WDR81: variants seen among roughly 807,000 people sequenced by gnomAD.
WDR81 encodes the protein WD repeat-containing protein 81.
In WDR81, 92 loss-of-function variants were observed where a neutral mutation model predicts 140.8. The ratio of observed to expected loss-of-function variants is 0.65; its 90% CI spans 0.55 to 0.78. The LOEUF is 0.78. Ranked by LOEUF, WDR81 falls within the 30% of genes least tolerant of loss-of-function variation. The pLI is 0.00. For synonymous variants in WDR81, 1,183 were observed against 1,156.4 expected, an observed-to-expected ratio of 1.02 and a Z score of -0.47; for missense variants, 2,502 against 2,636.4, an observed-to-expected ratio of 0.95 and a Z score of 1.12.
intron 2 of WDR81, 63 bp downstream of exon 2, chr17:1,730,550 A>G: frequency 1.3e-6 from 2 of 1,532,342 alleles, no homozygotes; most frequent in Non-Finnish European, 1.8e-6. Flanking sequence ...GCCTAGCTTC[A>G]GCGCTCTCCG....
chr17:1,725,579 GC>G lies in WDR81; in HGVS notation c.626del (p.Pro209LeufsTer45). ...QCPSYAREGP[C>X]PPRGSPACPS... is the part of the protein sequence containing the mutation. Reference sequence around the variant, plus strand: ...CCTTCATATGCCAGAGAAGGCCCCTGCCCCCCTCGGGGCAGCCCTGCTTGCC... The same window carrying G: ...CCTTCATATGCCAGAGAAGGCCCCTGCCCCCTCGGGGCAGCCCTGCTTGCC... On this transcript the variant is annotated frameshift_variant, in exon 1 of 10. Coordinates refer to ENST00000409644, the MANE Select transcript of WDR81 (RefSeq NM_001163809.2). LOFTEE classifies it high-confidence loss of function. 1 of 1,545,128 alleles carries G rather than the reference GC, an allele frequency of 6.5e-7. No individual in the cohort carries two copies.
upstream of WDR81, among the ~76,000 whole-genome samples, chr17:1,721,931 C>G (rs1436601017): frequency 1.3e-5 from 2 of 151,908 alleles, no homozygotes; most frequent in Non-Finnish European, 2.9e-5. Context: ...TGAGACCAGC[C>G]TGACCAACAT....
At chr17:1,730,308 C>A in intron 1 of WDR81, 72 bp from the exon 2 acceptor site, 1 of 1,208,262 alleles carries the variant, frequency 8.3e-7, no homozygotes, top group Non-Finnish European at 1.1e-6. Context: ...GAGTGGGGTG[C>A]CGTGGGGTGG....
rs1915199459 is a variant in WDR81, at chr17:1,725,771, T to C, written c.812T>C (p.Met271Thr). Residue 271 changes from methionine to threonine, a missense_variant, in exon 1 of 10, where the codon ATG (methionine) becomes ACG (threonine). Transcript: ENST00000409644. ...ATTCTCTTCCGCGTGCTGAGGGCTA[T>C]GGACGCCTGTCACCGCCAGGGGCTG... ...LFILFRVLRA[M>T]DACHRQGLAC... The C allele has an allele frequency of 6.4e-7, 1 of 1,550,688 alleles. No homozygotes were observed. The highest frequency in any genetic ancestry group is 8.7e-7 in the Non-Finnish European group (1 of 1,147,014).
chr17:1,720,017 A>T (rs934147677), upstream of WDR81, among the ~76,000 whole-genome samples: 2 of 151,566 alleles, frequency 1.3e-5, no homozygotes, highest in Non-Finnish European at 3.0e-5. Context: ...CACCTAGCAT[A>T]GATTTAATTA....
rs2151161239 is a variant in WDR81 at position 1,725,516 on chromosome 17, G to A, written c.557G>A (p.Gly186Asp). ...CGGCAGGCTCTGCAGAGGGTCTATG[G>A]TTGCTCCTTCCTGCCAGTGGGTGAA... ...SVRQALQRVY[G>D]CSFLPVGETT... Residue 186 changes from glycine to aspartate, a missense_variant, in exon 1 of 10, where the codon GGT (glycine) becomes GAT (aspartate). Around this residue, in one of 3 missense-constraint regions of WDR81, gnomAD observed 547 missense variants for 513.8 expected, o/e 1.06. Coordinates refer to ENST00000409644, the MANE Select transcript of WDR81 (RefSeq NM_001163809.2). 2 of 1,546,154 alleles carry A rather than the reference G, an allele frequency of 1.3e-6. No homozygotes were observed. The highest frequency in any genetic ancestry group is 4.9e-5 in the East Asian group (2 of 40,920).
At chr17:1,724,303 G>C (rs1228622480), upstream of WDR81, among the ~76,000 whole-genome samples, 1 of 152,262 alleles carries the variant, frequency 6.6e-6, no homozygotes, top group African/African-American at 2.4e-5. Flanking sequence ...GGCAGAGGTT[G>C]CGGTGAGCCG....
Position 1,725,208 on chromosome 17 carries a change from A to G in WDR81, c.249A>G (p.Gly83=). The G allele has an allele frequency of 6.5e-7, 1 of 1,538,450 alleles. No individual in the cohort carries two copies. The highest frequency in any genetic ancestry group is 2.4e-5 in the East Asian group (1 of 40,900). ...LGPCPRAEGL[G]EAEVRTLLQR... ...CCTGTCCCCGCGCAGAGGGCCTGGG[A>G]GAAGCGGAAGTCAGGACTCTCCTGC... Residue 83 remains glycine (G), a synonymous_variant, in exon 1 of 10, where the codon GGA becomes GGG. Coordinates refer to ENST00000409644, the MANE Select transcript of WDR81 (RefSeq NM_001163809.2).
At chr17:1,717,187 CGAAGGT>C in intron 1 of WDR81, 1 of 154,238 alleles carries the variant, frequency 6.5e-6, no homozygotes, top group South Asian at 1.8e-4. Context: ...GGAAGAGATT[CGAAGGT>C]GGAGACCAAT....
At position 1,733,888 on chromosome 17, in the gene WDR81, G is replaced by C; in HGVS notation, c.4851G>C (p.Trp1617Cys). The C allele has an allele frequency of 3.1e-6, 5 of 1,612,774 alleles. No individual in the cohort carries two copies. Among genetic ancestry groups the C allele is most frequent in the Non-Finnish European group, 4.2e-6 (5 of 1,179,946 alleles). Residue 1617 changes from tryptophan to cysteine, a missense_variant, in exon 7 of 10, where the codon TGG becomes TGC. Around this residue, in one of 3 missense-constraint regions of WDR81, gnomAD observed 1,737 missense variants for 1,843.0 expected, o/e 0.94. Transcript: ENST00000409644. The stretch of plus-strand genomic sequence containing the variant: ...GCGTGCACGGGCTGAGCGGAAACTG[G>C]CTGGCGTACTGGCAGTACGAGATCG... ...PRSVHGLSGN[W>C]LAYWQYEIGV... is the part of the protein sequence containing the mutation.
At chr17:1,730,998 C>T in intron 3 of WDR81, 53 bp downstream of exon 3, 3 of 1,604,402 alleles carry the variant, frequency 1.9e-6, no homozygotes, top group Admixed American at 1.7e-5. Flanking sequence ...GACCTGAGGG[C>T]CGGCCCGGGC....
In WDR81 at chr17:1,725,961, G is replaced by A; in HGVS notation, c.1002G>A (p.Gly334=). The change falls in exon 1 of 10, where the codon GGG becomes GGA. Residue 334 remains glycine (G), a synonymous_variant. Transcript: ENST00000409644. The stretch of plus-strand genomic sequence containing the variant: ...TTGTGTCTCAAGAGGAGCAGGGAGG[G>A]CAACCTGGGCAACCCACTGGCCAGG... ...AGIVSQEEQG[G]QPGQPTGQEE... The A allele has an allele frequency of 6.4e-7, 1 of 1,550,514 alleles. No homozygotes were observed. The highest frequency in any genetic ancestry group is 1.2e-5 in the South Asian group (1 of 84,024).
At chr17:1,723,457 T>TTATTTTTATTTATTTA (rs60606428), upstream of WDR81, among the ~76,000 whole-genome samples, 283 of 130,532 alleles carry the variant, frequency 2.2e-3, no homozygotes, top group Non-Finnish European at 2.9e-3. Flanking sequence ...ATTTATTTAT[T>TTATTTTTATTTATTTA]TTTATTTATT....
At chr17:1,718,851 A>T (rs1159540909) in intron 1 of WDR81, among the ~76,000 whole-genome samples, 1 of 151,864 alleles carries the variant, frequency 6.6e-6, no homozygotes, top group Non-Finnish European at 1.5e-5. Flanking sequence ...CTGAACACTG[A>T]CCCCACCCCC....
In WDR81 at chr17:1,737,893, C is replaced by G; in HGVS notation, c.*208C>G. Reference sequence around the variant, plus strand: ...GAGCCACCAAGCCTGCCAGAGGGGTCTCATTCATGGCTTGGGGACACAGGG... The same window carrying G: ...GAGCCACCAAGCCTGCCAGAGGGGTGTCATTCATGGCTTGGGGACACAGGG... On this transcript the variant is annotated 3_prime_UTR_variant, in exon 10 of 10. Coordinates refer to ENST00000409644, the MANE Select transcript of WDR81 (RefSeq NM_001163809.2). 1 of 649,142 alleles carries G rather than the reference C, an allele frequency of 1.5e-6. No individual in the cohort carries two copies. The highest frequency in any genetic ancestry group is 2.8e-5 in the East Asian group (1 of 36,236). 40.2% of individuals were successfully genotyped at this position (649,142 alleles called of 1,614,324 possible).
chr17:1,722,816 C>A (rs1303287104), upstream of WDR81, among the ~76,000 whole-genome samples: 1 of 151,900 alleles, frequency 6.6e-6, no homozygotes. Flanking sequence ...CCTCAGCCTC[C>A]TGAGTAGCTG....
In WDR81 at chr17:1,735,701, G is replaced by A; in HGVS notation, c.5309G>A (p.Arg1770Lys). 6.2e-7 allele frequency: 1 copy of A among 1,612,614 alleles called. No individual in the cohort carries two copies. Among genetic ancestry groups the A allele is most frequent in the Non-Finnish European group, 8.5e-7 (1 of 1,179,716 alleles). ...TCTACCCTGCGCTTTGTGGACTGCA[G>A]GAAGCCTGGTCTGCAGGTCAGGGGG... ...SDSTLRFVDCRKPGLQHEFRL... is the reference protein window; with the variant it reads ...SDSTLRFVDCKKPGLQHEFRL... The change falls in exon 8 of 10, where the codon AGG becomes AAG. Residue 1770 changes from arginine (R) to lysine (K), a missense_variant. Physicochemically the swap from Arg to Lys is conservative, Grantham distance 26 (BLOSUM62 2). This residue lies in a region of WDR81 where 1,737 missense variants were observed against 1,843.0 expected (regional missense o/e 0.94). Coordinates refer to ENST00000409644, the MANE Select transcript of WDR81 (RefSeq NM_001163809.2). The surrounding 1 kb of genome is among the most constrained non-coding windows in gnomAD (Gnocchi z 4.2).
At chr17:1,720,371 T>TA (rs1221419519), upstream of WDR81, among the ~76,000 whole-genome samples, 1 of 152,238 alleles carries the variant, frequency 6.6e-6, no homozygotes. Context: ...AGAGAGCTGT[T>TA]ACAGACGTTA....
chr17:1,725,412 G>T lies in WDR81; in HGVS notation c.453G>T (p.Trp151Cys). Residue 151 changes from tryptophan (W) to cysteine (C), a missense_variant, in exon 1 of 10, where the codon TGG (tryptophan) becomes TGT (cysteine). Physicochemically the swap from Trp to Cys is radical, Grantham distance 215. This residue lies in a region of WDR81 where 547 missense variants were observed against 513.8 expected (regional missense o/e 1.06). Coordinates refer to ENST00000409644, the MANE Select transcript of WDR81 (RefSeq NM_001163809.2). ...EVAAQNYRNL[W>C]RHAYHTYGQP... is the part of the protein sequence containing the mutation. The stretch of plus-strand genomic sequence containing the variant: ...CCGCCCAGAATTATCGCAACCTGTG[G>T]CGCCATGCATACCACACTTACGGCC... 1 of 1,549,606 alleles carries T rather than the reference G, an allele frequency of 6.5e-7. No individual in the cohort carries two copies.
Sources: gnomAD v4.1 joint callset for allele counts (sites outside exome capture counted in the v4.1 genomes callset) on GRCh38, gnomAD v4.1.1 for gene constraint, gnomAD v4.1.1 regional missense constraint, Gnocchi (gnomAD v3.1) non-coding constraint, MANE v1.5 for transcripts, NCBI Gene and HGNC (gene_info 2026-07-23, HGNC 2026-07-21) for gene names.